MYO15A: variants seen among roughly 807,000 people sequenced by gnomAD.
MYO15A encodes the protein unconventional myosin-XV.
In MYO15A, 308 loss-of-function variants were observed where a neutral mutation model predicts 394.6. The ratio of observed to expected loss-of-function variants is 0.78; its 90% CI spans 0.71 to 0.86. The LOEUF (loss-of-function observed/expected upper bound fraction) is 0.86. MYO15A is among the 40% of genes least tolerant of loss of function. The pLI, the probability that MYO15A is intolerant of heterozygous loss-of-function variation, is 0.00. For missense variants in MYO15A, 4,606 were observed against 4,799.1 expected (o/e 0.96, Z 1.19); for synonymous variants, 1,957 against 2,003.8 (o/e 0.98, Z 0.62).
rs1320338616 is a variant in MYO15A, at chr17:18,109,956, C to G, written c.-220+1132C>G. ...AGCCGAGTCGAGACCCTCTCCTTCC[C>G]ACTCTGTCCCTCTCCTAGACAGCTC... On this transcript the variant is annotated intron_variant, in intron 1 of 65. Transcript: ENST00000647165. 3.9e-5 allele frequency: 6 copies of G among 152,324 alleles called. No homozygotes were observed. The East Asian group carries it at 1.2e-3, about 29-fold the overall frequency. 9.4% of individuals were successfully genotyped at this position (152,324 alleles called of 1,614,324 possible).
chr17:18,164,213 C>A (rs1039527769), intron 60 of MYO15A: 2 of 323,556 alleles, frequency 6.2e-6, no homozygotes, highest in East Asian at 8.7e-5. Flanking sequence ...TTCTTTCCTG[C>A]CTTTCATGCC....
Position 18,139,594 on chromosome 17 carries a change from G to C in MYO15A, c.5194G>C (p.Val1732Leu), listed in dbSNP as rs377309887. ...GCGCCAGGATGTGCTGGACCTGTTC[G>C]TACGGAGCCGGACACGGGTAAGCCT... is the stretch of plus-strand genomic sequence containing the variant. ...QVRQDVLDLF[V>L]RSRTRVVAHL... The change falls in exon 19 of 66, where the codon GTA (valine) becomes CTA (leucine). Residue 1732 changes from valine to leucine, a missense_variant. Physicochemically the swap from Val to Leu is conservative, Grantham distance 32. Around this residue, in one of 2 missense-constraint regions of MYO15A, gnomAD observed 2,776 missense variants for 3,109.3 expected, o/e 0.89. Transcript: ENST00000647165. 176 of 1,614,034 alleles carry C rather than the reference G, an allele frequency of 1.1e-4. 2 individuals carry two copies. Among genetic ancestry groups the C allele is most frequent in the Admixed American group, 7.3e-4 (44 of 60,024 alleles).
chr17:18,152,695 C>T (rs1366346602), intron 42 of MYO15A, among the ~76,000 whole-genome samples: 1 of 152,138 alleles, frequency 6.6e-6, no homozygotes, highest in East Asian at 1.9e-4. Flanking sequence ...ATGATGTGCC[C>T]ACCTCCCCAG....
chr17:18,169,922 G>A (rs2142424073), intron 62 of MYO15A, among the ~76,000 whole-genome samples: 1 of 130,748 alleles, frequency 7.6e-6, no homozygotes, highest in Non-Finnish European at 1.5e-5. Flanking sequence ...AGTGAGCCGT[G>A]ATTGCACCAC....
In MYO15A at chr17:18,156,184, C is replaced by T; in HGVS notation, c.8460-11C>T. The T allele has an allele frequency of 6.2e-7, 1 of 1,613,988 alleles. No homozygotes were observed. The highest frequency in any genetic ancestry group is 8.5e-7 in the Non-Finnish European group (1 of 1,179,912). ...CTGGCAGGGGAGTCATGCCACCGGC[C>T]CATCCTCCAGCTTTGCAGATATCCT... On this transcript the variant is annotated splice_polypyrimidine_tract_variant and intron_variant, in intron 47 of 65. Transcript: ENST00000647165.
chr17:18,118,331 G>C (rs2045820515), intron 1 of MYO15A, among the ~76,000 whole-genome samples: 1 of 152,204 alleles, frequency 6.6e-6, no homozygotes, highest in Non-Finnish European at 1.5e-5. Context: ...CCCAGTGCAG[G>C]TGTGCTGGTG....
At chr17:18,152,827 A>G (rs1567654275) in intron 42 of MYO15A, among the ~76,000 whole-genome samples, 1 of 152,202 alleles carries the variant, frequency 6.6e-6, no homozygotes, top group East Asian at 1.9e-4. Flanking sequence ...AGACCTTTGC[A>G]TGCCTGGCTC....
chr17:18,153,762 C>G lies in MYO15A; in HGVS notation c.7967-13C>G, dbSNP rs2046626237. On this transcript the variant is annotated splice_polypyrimidine_tract_variant and intron_variant, in intron 42 of 65. Transcript: ENST00000647165. This position sits in a 1 kb window ranked among gnomAD's most constrained non-coding sequence, Gnocchi z 4.1. ...GTGCCTTCTCCTGACTCCCTGATCC[C>G]CGCGCTCTCCAGCTCTGCCCTCGCG... 1.9e-6 allele frequency: 3 copies of G among 1,613,116 alleles called. No homozygotes were observed. The East Asian group carries it at 6.7e-5, about 36-fold the overall frequency.
chr17:18,138,388 C>A, intron 17 of MYO15A, 142 bp downstream of exon 17: 1 of 1,083,596 alleles, frequency 9.2e-7, no homozygotes, highest in Non-Finnish European at 1.4e-6. Context: ...CTACTATTCA[C>A]AACCTGGGGT....
At chr17:18,169,154 T>TAAA (rs1439715676) in intron 62 of MYO15A, among the ~76,000 whole-genome samples, 15 of 92,496 alleles carry the variant, frequency 1.6e-4, no homozygotes, top group African/African-American at 6.2e-4. Context: ...ATAATAATAA[T>TAAA]AATAAAAATA....
chr17:18,153,634 C>T lies in MYO15A; in HGVS notation c.7967-141C>T. The T allele has an allele frequency of 2.4e-6, 2 of 839,706 alleles. No individual in the cohort carries two copies. Among genetic ancestry groups the T allele is most frequent in the South Asian group, 3.2e-5 (1 of 31,488 alleles). 52.0% of individuals were successfully genotyped at this position (839,706 alleles called of 1,614,324 possible). A position where few individuals can be genotyped will look rare whatever the true frequency, so the allele number is the denominator to read the frequency against. On this transcript the variant is annotated intron_variant, in intron 42 of 65. Transcript: ENST00000647165. The surrounding 1 kb of genome is among the most constrained non-coding windows in gnomAD (Gnocchi z 4.1). ...AATCGCTTGAACCCAGGAGGCGGAGCTTGCAGTGGGCCGAGATTGCGCCAC... is the reference window on the plus strand; with the variant it reads ...AATCGCTTGAACCCAGGAGGCGGAGTTTGCAGTGGGCCGAGATTGCGCCAC...
intron 16 of MYO15A, 115 bp from the exon 17 acceptor site, chr17:18,138,000 G>C: frequency 7.3e-7 from 1 of 1,374,988 alleles, no homozygotes; most frequent in Non-Finnish European, 9.8e-7. Flanking sequence ...TGTTCTGGGA[G>C]GTATGCAAGC....
rs1256322358 is a variant in MYO15A at position 18,154,336 on chromosome 17, T to G, written c.8148+146T>G. On this transcript the variant is annotated intron_variant, in intron 44 of 65. Coordinates refer to ENST00000647165, the MANE Select transcript of MYO15A (RefSeq NM_016239.4). ...GGATGGGCAGCTGTTTTATTGAATC[T>G]CCCCCTCCCATGGGCAGGGTCAGTG... The G allele has an allele frequency of 3.1e-6, 3 of 952,836 alleles. No homozygotes were observed. In the East Asian group the frequency reaches 7.8e-5, roughly 25 times the overall value. The allele number at this position is 952,836 out of a possible 1,614,324, so 59.0% of individuals were successfully genotyped here. A position where few individuals can be genotyped will look rare whatever the true frequency, so the allele number is the denominator to read the frequency against.
At chr17:18,171,617 T>C (rs372281322) in intron 62 of MYO15A, 21 bp from the exon 63 acceptor site, 2 of 1,613,800 alleles carry the variant, frequency 1.2e-6, no homozygotes, top group South Asian at 2.2e-5. Flanking sequence ...CAGGACCTTT[T>C]TCCCCTTCCT....
At chr17:18,178,703 C>A in intron 65 of MYO15A, 66 bp from the exon 66 acceptor site, 1 of 1,494,316 alleles carries the variant, frequency 6.7e-7, no homozygotes, top group Non-Finnish European at 9.3e-7. Context: ...CCATTCTGTA[C>A]TTCCCACCCC....
chr17:18,112,151 A>C (rs1263311639), intron 1 of MYO15A, among the ~76,000 whole-genome samples: 3 of 152,156 alleles, frequency 2.0e-5, no homozygotes, highest in Admixed American at 6.5e-5. Flanking sequence ...GGCAGACAGA[A>C]GGTATGGCTC....
Position 18,155,215 on chromosome 17 carries a change from T to A in MYO15A, c.8330T>A (p.Phe2777Tyr). ...TGGGAGGTCTACTTCTCCCGCATCT[T>A]CCCCGCCACGGTGCGAGCCCCTCAC... ...DTWEVYFSRI[F>Y]PATGSVGTGV... The change falls in exon 46 of 66, where the codon TTC becomes TAC. Residue 2777 changes from phenylalanine to tyrosine, a missense_variant. Transcript: ENST00000647165. The A allele has an allele frequency of 6.2e-7, 1 of 1,613,728 alleles. No homozygotes were observed. The highest frequency in any genetic ancestry group is 1.1e-5 in the South Asian group (1 of 91,082).
Position 18,143,984 on chromosome 17 carries a change from T to C in MYO15A, c.6161T>C (p.Val2054Ala), listed in dbSNP as rs1433488146. 2 of 1,613,412 alleles carry C rather than the reference T, an allele frequency of 1.2e-6. No homozygotes were observed. The highest frequency in any genetic ancestry group is 1.7e-6 in the Non-Finnish European group (2 of 1,180,006). Residue 2054 changes from valine to alanine, a missense_variant, in exon 28 of 66, where the codon GTC (valine) becomes GCC (alanine). By Grantham distance (64) the Val-to-Ala change is moderately conservative (BLOSUM62 0). Coordinates refer to ENST00000647165, the MANE Select transcript of MYO15A (RefSeq NM_016239.4). ...AACAACTATCCTATGGCCAAGTTTG[T>C]CCAGTGCCACTTCAAGGTAAGGGCT... ...DINNYPMAKF[V>A]QCHFKEPAFG... is the part of the protein sequence containing the mutation.
intron 62 of MYO15A, among the ~76,000 whole-genome samples, chr17:18,168,054 A>G (rs190899283): frequency 1.3e-5 from 2 of 152,276 alleles, no homozygotes; most frequent in Non-Finnish European, 2.9e-5. Flanking sequence ...CCACAAAAGC[A>G]TTCACTGCAA....
Sources: gnomAD v4.1 joint callset for allele counts (sites outside exome capture counted in the v4.1 genomes callset) on GRCh38, gnomAD v4.1.1 for gene constraint, gnomAD v4.1.1 regional missense constraint, Gnocchi (gnomAD v3.1) non-coding constraint, MANE v1.5 for transcripts, NCBI Gene and HGNC (gene_info 2026-07-23, HGNC 2026-07-21) for gene names.